The following MOK variants were observed in gnomAD, a reference collection of about 807,000 sequenced individuals.
MOK encodes MOK protein kinase.
In MOK, 59 loss-of-function variants were observed where a neutral mutation model predicts 54.2. The ratio of observed to expected loss-of-function variants is 1.09; its 90% CI spans 0.88 to 1.35. MOK has a LOEUF of 1.35. MOK is among the 40% of genes most tolerant of loss of function. The pLI is 0.00. For synonymous variants in MOK, 210 were observed against 202.7 expected, an observed-to-expected ratio of 1.04 and a Z score of -0.31; for missense variants, 517 against 526.2, an observed-to-expected ratio of 0.98 and a Z score of 0.17.
chr14:102,218,702 C>T, the MOK span, among the ~76,000 whole-genome samples: 2 of 151,832 alleles, frequency 1.3e-5, no homozygotes, highest in South Asian at 4.1e-4. Context: ...AGTGACTCTG[C>T]GGGGAGCCAA....
chr14:102,284,334 C>A (rs1338724912), intron 1 of MOK, among the ~76,000 whole-genome samples: 4 of 151,994 alleles, frequency 2.6e-5, no homozygotes, highest in Admixed American at 2.0e-4. Flanking sequence ...ATATCGCCCA[C>A]TTAAAGGAAT....
At position 102,232,382 on chromosome 14, in the gene MOK, GC is replaced by G; in HGVS notation, c.866+152del. On this transcript the variant is annotated intron_variant, in intron 9 of 11. Transcript: ENST00000361847. The surrounding 1 kb of genome is among the most constrained non-coding windows in gnomAD (Gnocchi z 5.1). Reference sequence around the variant, plus strand: ...TACACCAGAAGGCAGCACGGTGTGGGCCCCAAGAGGCCCTGACCACTCTTCA... The same window carrying G: ...TACACCAGAAGGCAGCACGGTGTGGGCCCAAGAGGCCCTGACCACTCTTCA... 2 of 803,108 alleles carry G rather than the reference GC, an allele frequency of 2.5e-6. No individual in the cohort carries two copies. The highest frequency in any genetic ancestry group is 3.8e-6 in the Non-Finnish European group (2 of 529,212). The allele number at this position is 803,108 out of a possible 1,614,324, so 49.7% of individuals were successfully genotyped here.
At chr14:102,283,954 C>T (rs1351563799) in intron 1 of MOK, among the ~76,000 whole-genome samples, 1 of 152,174 alleles carries the variant, frequency 6.6e-6, no homozygotes, top group Non-Finnish European at 1.5e-5. Context: ...TGTCATATTG[C>T]AGCAGCAGCC....
intron 1 of MOK, among the ~76,000 whole-genome samples, chr14:102,296,436 A>G (rs1370744894): frequency 2.0e-5 from 3 of 152,190 alleles, no homozygotes; most frequent in Non-Finnish European, 2.9e-5. Context: ...GTGTGTATAT[A>G]CACAAAAATA....
chr14:102,260,656 T>C (rs1202293710), intron 4 of MOK: 2 of 152,200 alleles, frequency 1.3e-5, no homozygotes, highest in African/African-American at 2.4e-5. Context: ...GTTGGTGCAC[T>C]GAACACACTG....
At position 102,229,284 on chromosome 14, in the gene MOK, CTCAGT is replaced by C; in HGVS notation, c.1260_*4del. 1 of 1,594,314 alleles carries C rather than the reference CTCAGT, an allele frequency of 6.3e-7. No individual in the cohort carries two copies. Among genetic ancestry groups the C allele is most frequent in the Non-Finnish European group, 8.6e-7 (1 of 1,169,172 alleles). ...CTCCGAAGTCGAGACGACGGTGCTG[CTCAGT>C]TATCTTCCGCCTTTCCGCACTATGG... On this transcript the variant is annotated stop_retained_variant and 3_prime_UTR_variant, in exon 12 of 12. Coordinates refer to ENST00000361847, the MANE Select transcript of MOK (RefSeq NM_014226.3).
rs2072476997 is a variant in MOK at position 102,303,635 on chromosome 14, A to C, written c.7+1327T>G. Among the ~76,000 whole-genome samples, 8 of 152,226 alleles carry C rather than the reference A, an allele frequency of 5.3e-5. No homozygotes were observed. In the South Asian group the frequency reaches 1.7e-3, roughly 32 times the overall value. ...GTATCAGAGTATTGTATCATTGTTA[A>C]ATTTTCTAAATGTGTTATTTGTACT... On this transcript the variant is annotated intron_variant, in intron 1 of 11. Transcript: ENST00000361847.
At chr14:102,251,617 G>C in intron 6 of MOK, 139 bp downstream of exon 6, 1 of 738,198 alleles carries the variant, frequency 1.4e-6, no homozygotes, top group Non-Finnish European at 2.4e-6. Flanking sequence ...CAACCTGAGA[G>C]GGAAAAAAAT....
rs781235867 is a variant in MOK, at chr14:102,231,822, C to T, written c.867-1G>A. 4.3e-6 allele frequency: 7 copies of T among 1,610,468 alleles called. No homozygotes were observed. Among genetic ancestry groups the T allele is most frequent in the Non-Finnish European group, 4.2e-6 (5 of 1,177,616 alleles). On this transcript the variant is annotated splice_acceptor_variant, in intron 9 of 11. Transcript: ENST00000361847. LOFTEE classifies it high-confidence loss of function. The surrounding 1 kb of genome is among the most constrained non-coding windows in gnomAD (Gnocchi z 4.4). ...GCCCAGAGCCCGCTTCTCTGTTTTC[C>T]TACGGGGAAGGAGAAGAGAATGGAG...
At chr14:102,284,476 C>G (rs543250607) in intron 1 of MOK, among the ~76,000 whole-genome samples, 1 of 151,924 alleles carries the variant, frequency 6.6e-6, no homozygotes, top group East Asian at 1.9e-4. Context: ...TATTTCAAGA[C>G]AAAGATAAGT....
chr14:102,281,608 G>GT (rs398118590), intron 2 of MOK, among the ~76,000 whole-genome samples: 1,190 of 78,458 alleles, frequency 0.015, 12 homozygotes, highest in African/African-American at 0.091. Context: ...GTTTTTTTGT[G>GT]TTTTTTTTTT....
Position 102,231,636 on chromosome 14 carries a change from G to A in MOK, c.981+71C>T, listed in dbSNP as rs1258203868. 1.0e-5 allele frequency: 14 copies of A among 1,405,318 alleles called. No individual in the cohort carries two copies. Among genetic ancestry groups the A allele is most frequent in the Non-Finnish European group, 1.2e-5 (12 of 999,686 alleles). The allele number at this position is 1,405,318 out of a possible 1,614,324, so 87.1% of individuals were successfully genotyped here. On this transcript the variant is annotated intron_variant, in intron 10 of 11. Coordinates refer to ENST00000361847, the MANE Select transcript of MOK (RefSeq NM_014226.3). This position sits in a 1 kb window ranked among gnomAD's most constrained non-coding sequence, Gnocchi z 4.4. ...CCACAGGTGGCGTCCTCCTGAGAGA[G>A]ACACAGGCCACCCGAGGGCATCCAG...
At chr14:102,233,602 T>G in intron 8 of MOK, 86 bp downstream of exon 8, 2 of 1,196,432 alleles carry the variant, frequency 1.7e-6, no homozygotes, top group Non-Finnish European at 2.5e-6. Context: ...GAGAGGGGTT[T>G]GAGGGAGGCA....
chr14:102,244,182 C>T (rs2065919177), intron 7 of MOK, among the ~76,000 whole-genome samples: 1 of 152,210 alleles, frequency 6.6e-6, no homozygotes, highest in African/African-American at 2.4e-5. Flanking sequence ...CATCAGACCC[C>T]ACTGCTCGGG....
downstream of MOK, among the ~76,000 whole-genome samples, chr14:102,220,162 G>A (rs905468317): frequency 1.3e-5 from 2 of 152,192 alleles, no homozygotes; most frequent in African/African-American, 2.4e-5. The surrounding 1 kb of genome is among the most constrained non-coding windows in gnomAD (Gnocchi z 4.2). Flanking sequence ...CCACCTCTGC[G>A]TCTCAGCAGC....
chr14:102,231,424 A>T lies in MOK; in HGVS notation c.981+283T>A. ...CACCTGCATATGGTCATCAGGACAG[A>T]CACAAAAGTTCATGCAAACATCCCC... On this transcript the variant is annotated intron_variant, in intron 10 of 11. Transcript: ENST00000361847. This position sits in a 1 kb window ranked among gnomAD's most constrained non-coding sequence, Gnocchi z 4.4. 2.9e-6 allele frequency: 1 copy of T among 344,848 alleles called. No individual in the cohort carries two copies. The highest frequency in any genetic ancestry group is 5.4e-6 in the Non-Finnish European group (1 of 186,818). 21.4% of individuals were successfully genotyped at this position (344,848 alleles called of 1,614,324 possible). A position where few individuals can be genotyped will look rare whatever the true frequency, so the allele number is the denominator to read the frequency against.
intron 1 of MOK, among the ~76,000 whole-genome samples, chr14:102,288,613 T>C (rs561893259): frequency 6.6e-6 from 1 of 152,274 alleles, no homozygotes; most frequent in South Asian, 2.1e-4. Flanking sequence ...TATTTTAACA[T>C]TAGATTATAG....
Position 102,231,642 on chromosome 14 carries a change from G to T in MOK, c.981+65C>A. The T allele has an allele frequency of 6.9e-7, 1 of 1,454,950 alleles. No individual in the cohort carries two copies. Among genetic ancestry groups the T allele is most frequent in the Non-Finnish European group, 9.6e-7 (1 of 1,043,454 alleles). The allele number at this position is 1,454,950 out of a possible 1,614,324, so 90.1% of individuals were successfully genotyped here. ...GTGGCGTCCTCCTGAGAGAGACACA[G>T]GCCACCCGAGGGCATCCAGTCCCGG... On this transcript the variant is annotated intron_variant, in intron 10 of 11. Transcript: ENST00000361847. The surrounding 1 kb of genome is among the most constrained non-coding windows in gnomAD (Gnocchi z 4.4).
chr14:102,280,990 G>C (rs969323061), intron 2 of MOK, among the ~76,000 whole-genome samples: 9 of 152,016 alleles, frequency 5.9e-5, no homozygotes, highest in African/African-American at 2.2e-4. Flanking sequence ...TCAGGAGTTC[G>C]AGACCAGCCG....
Sources: gnomAD v4.1 joint callset for allele counts (sites outside exome capture counted in the v4.1 genomes callset) on GRCh38, gnomAD v4.1.1 for gene constraint, Gnocchi (gnomAD v3.1) non-coding constraint, MANE v1.5 for transcripts, NCBI Gene and HGNC (gene_info 2026-07-23, HGNC 2026-07-21) for gene names.